Variants in FILIP1L observed in about 807,000 individuals in gnomAD.
The protein encoded by FILIP1L is filamin A interacting protein 1 like, also known as filamin A-interacting protein 1-like.
FILIP1L carries 55 observed loss-of-function variants against 96.6 expected under a neutral mutation model. The ratio of observed to expected loss-of-function variants is 0.57; its 90% confidence interval spans 0.46 to 0.71. The LOEUF is 0.71. FILIP1L is among the 30% of genes least tolerant of loss of function. The pLI is 0.00. For missense variants in FILIP1L, 1,304 were observed against 1,321.2 expected (o/e 0.99, Z 0.20); for synonymous variants, 467 against 473.9 (o/e 0.99, Z 0.19).
Position 99,929,599 on chromosome 3 carries a change from C to T in FILIP1L, c.426+257G>A, listed in dbSNP as rs900539627. On this transcript the variant is annotated intron_variant, in intron 3 of 5. Transcript: ENST00000477258. Reference sequence around the variant, plus strand: ...GTGTGTGTATGTGCCTGCACATGCACGTGAGAGTGGGGAGCATTCTCTGGC... The same window carrying T: ...GTGTGTGTATGTGCCTGCACATGCATGTGAGAGTGGGGAGCATTCTCTGGC... Among the ~76,000 whole-genome samples, 6 of 151,738 alleles carry T rather than the reference C, an allele frequency of 4.0e-5. No homozygotes were observed. In the South Asian group the frequency reaches 6.2e-4, roughly 16 times the overall value.
At chr3:99,908,848 A>C (rs547022414) in intron 4 of FILIP1L, among the ~76,000 whole-genome samples, 2 of 152,180 alleles carry the variant, frequency 1.3e-5, no homozygotes, top group South Asian at 4.2e-4. Flanking sequence ...AATAGAATCT[A>C]CCATCTACAA....
intron 1 of FILIP1L, among the ~76,000 whole-genome samples, chr3:100,028,816 G>GTACT (rs1459880623): frequency 6.6e-6 from 1 of 152,036 alleles, no homozygotes; most frequent in Non-Finnish European, 1.5e-5. Context: ...CACACCAACT[G>GTACT]TACTAGACTC....
At chr3:100,041,992 A>C (rs969525715) in intron 1 of FILIP1L, among the ~76,000 whole-genome samples, 2 of 152,206 alleles carry the variant, frequency 1.3e-5, no homozygotes, top group South Asian at 2.1e-4. Context: ...TTCTTCAGCT[A>C]TATGATCTGA....
chr3:100,093,531 T>C (rs2066149925), intron 1 of FILIP1L, among the ~76,000 whole-genome samples: 1 of 152,216 alleles, frequency 6.6e-6, no homozygotes, highest in South Asian at 2.1e-4. Flanking sequence ...TTGTACGGAA[T>C]AATGCAGAGT....
At chr3:99,983,389 A>AATAAATAAATAAATAAAT (rs1302972402) in intron 1 of FILIP1L, among the ~76,000 whole-genome samples, 1 of 40,788 alleles carries the variant, frequency 2.5e-5, no homozygotes, top group African/African-American at 1.0e-4. Context: ...TAAATAAATA[A>AATAAATAAATAAATAAAT]ATATATATAT....
chr3:100,101,597 G>A (rs534382624), intron 1 of FILIP1L, among the ~76,000 whole-genome samples: 7 of 152,150 alleles, frequency 4.6e-5, no homozygotes, highest in Middle Eastern at 3.4e-3. Flanking sequence ...AACACAGGAG[G>A]GGTTGGGATG....
At chr3:100,067,855 AC>A (rs1181155393) in intron 1 of FILIP1L, among the ~76,000 whole-genome samples, 1 of 152,174 alleles carries the variant, frequency 6.6e-6, no homozygotes, top group African/African-American at 2.4e-5. Flanking sequence ...TGGGTATAGT[AC>A]AATAGGGAAG....
chr3:100,080,534 G>A (rs899663285), intron 1 of FILIP1L, among the ~76,000 whole-genome samples: 1 of 152,182 alleles, frequency 6.6e-6, no homozygotes, highest in African/African-American at 2.4e-5. Context: ...AGATATAGGT[G>A]ATCTGTGGAC....
At chr3:100,027,103 G>A (rs2064938239) in intron 1 of FILIP1L, among the ~76,000 whole-genome samples, 1 of 152,010 alleles carries the variant, frequency 6.6e-6, no homozygotes. Context: ...AGTGAAACCT[G>A]CCTTGGACAC....
At chr3:100,025,212 CCTT>C (rs1391831246) in intron 1 of FILIP1L, among the ~76,000 whole-genome samples, 1 of 152,162 alleles carries the variant, frequency 6.6e-6, no homozygotes, top group African/African-American at 2.4e-5. Context: ...TAGGGCTCGT[CCTT>C]CTTGCCACTA....
intron 3 of FILIP1L, among the ~76,000 whole-genome samples, chr3:99,926,269 C>CTTAA (rs1707290468): frequency 6.6e-6 from 1 of 152,236 alleles, no homozygotes; most frequent in African/African-American, 2.4e-5. Flanking sequence ...CTTCTAAATG[C>CTTAA]TTAAATTCAC....
intron 1 of FILIP1L, among the ~76,000 whole-genome samples, chr3:100,106,773 G>T (rs149851512): frequency 6.6e-6 from 1 of 152,116 alleles, no homozygotes; most frequent in South Asian, 2.1e-4. Context: ...CTAACTGGTG[G>T]TTGTACTACT....
chr3:100,024,237 G>A (rs1052758512), intron 1 of FILIP1L, among the ~76,000 whole-genome samples: 1 of 152,188 alleles, frequency 6.6e-6, no homozygotes, highest in African/African-American at 2.4e-5. Flanking sequence ...TGCAGTAGAA[G>A]CCTTGGTGTA....
intron 4 of FILIP1L, among the ~76,000 whole-genome samples, chr3:99,903,395 G>A (rs1706503967): frequency 6.6e-6 from 1 of 152,048 alleles, no homozygotes; most frequent in Admixed American, 6.6e-5. Flanking sequence ...GGGATTACAG[G>A]CGCCTGCCAC....
chr3:100,037,641 A>G (rs1313076809), intron 1 of FILIP1L, among the ~76,000 whole-genome samples: 3 of 152,208 alleles, frequency 2.0e-5, no homozygotes, highest in Non-Finnish European at 4.4e-5. Flanking sequence ...ACATAGAAAT[A>G]GTGTCCCATA....
rs116702169 is a variant in FILIP1L, at chr3:99,894,486, A to G, written c.605+29744T>C. 4.7e-3 allele frequency among the ~76,000 whole-genome samples: 710 copies of G among 152,322 alleles called. 8 individuals are homozygous for G. Among genetic ancestry groups the G allele is most frequent in the African/African-American group, 0.017 (697 of 41,564 alleles). On this transcript the variant is annotated intron_variant, in intron 4 of 5. Transcript: ENST00000477258. ...TTTGGGTTGGTTTTTTGATACTTCTAAAGTCTGTGTTGCTTATTATTTCTT... is the reference window on the plus strand; with the variant it reads ...TTTGGGTTGGTTTTTTGATACTTCTGAAGTCTGTGTTGCTTATTATTTCTT...
intron 1 of FILIP1L, among the ~76,000 whole-genome samples, chr3:100,066,868 C>A (rs2065674184): frequency 6.6e-6 from 1 of 152,166 alleles, no homozygotes; most frequent in Admixed American, 6.5e-5. Flanking sequence ...TCCTGGGTCA[C>A]AGTTTAAAGA....
chr3:99,997,836 A>C (rs770192766), intron 1 of FILIP1L, among the ~76,000 whole-genome samples: 7 of 152,250 alleles, frequency 4.6e-5, no homozygotes, highest in Non-Finnish European at 7.4e-5. Context: ...AATTTAACAC[A>C]TAAGTCATGC....
At chr3:99,872,070 C>G (rs1944817362) in intron 4 of FILIP1L, among the ~76,000 whole-genome samples, 1 of 152,056 alleles carries the variant, frequency 6.6e-6, no homozygotes, top group African/African-American at 2.4e-5. Flanking sequence ...TCCTCTCTTC[C>G]TAGCACTAAT....
Sources: gnomAD v4.1 joint callset for allele counts (sites outside exome capture counted in the v4.1 genomes callset) on GRCh38, gnomAD v4.1.1 for gene constraint, MANE v1.5 for transcripts, NCBI Gene and HGNC (gene_info 2026-07-23, HGNC 2026-07-21) for gene names.